Variants in SCLT1 observed in about 807,000 individuals in gnomAD.
SCLT1 encodes sodium channel-associated protein 1.
A neutral mutation model predicts 112.8 loss-of-function variants in SCLT1; 78 were observed. That is an observed-to-expected ratio of 0.69 (90% CI 0.58 to 0.83). The LOEUF is 0.83. SCLT1 is among the 40% of genes least tolerant of loss of function. SCLT1 has a pLI of 0.00. For synonymous variants in SCLT1, 257 were observed against 254.7 expected (o/e 1.01, Z -0.09); for missense variants, 747 against 770.4 (o/e 0.97, Z 0.36).
chr4:128,930,938 T>C (rs967031294), intron 18 of SCLT1, among the ~76,000 whole-genome samples: 4 of 152,208 alleles, frequency 2.6e-5, no homozygotes, highest in Admixed American at 2.6e-4. Flanking sequence ...GAAGGGCTTG[T>C]TTCTTTGAAG....
chr4:128,936,922 C>CA (rs1350414900), intron 17 of SCLT1, 71 bp from the exon 18 acceptor site: 1 of 595,570 alleles, frequency 1.7e-6, no homozygotes, highest in African/African-American at 2.0e-5. Context: ...ATGATATATA[C>CA]AAAAGGAATC....
intron 1 of SCLT1, among the ~76,000 whole-genome samples, chr4:129,087,961 C>T (rs1752540249): frequency 6.6e-6 from 1 of 151,636 alleles, no homozygotes; most frequent in Non-Finnish European, 1.5e-5. Context: ...GTGGCATGTG[C>T]CTGTAGTCCC....
At chr4:129,003,697 T>C (rs3099900) in intron 6 of SCLT1, 44 bp downstream of exon 6, 148,043 of 1,403,100 alleles carry the variant, frequency 0.11, 9,229 homozygotes, top group Non-Finnish European at 0.12. Context: ...TTTAAAAAGG[T>C]ATGTTAATTC....
intron 17 of SCLT1, among the ~76,000 whole-genome samples, chr4:128,941,904 T>C (rs947097974): frequency 6.6e-6 from 1 of 152,094 alleles, no homozygotes; most frequent in Admixed American, 6.6e-5. Context: ...TGAAGCCAGT[T>C]TTCCCCCCAC....
rs553637344 is a variant in SCLT1 at position 128,957,262 on chromosome 4, G to A, written c.1048-138C>T. On this transcript the variant is annotated intron_variant, in intron 12 of 20. Coordinates refer to ENST00000281142, the MANE Select transcript of SCLT1 (RefSeq NM_144643.4). ...TACTTGAATATCATGTTGAAATCAC[G>A]AATGATATTTATTTTCCCTAACCTC... 7.7e-5 allele frequency: 40 copies of A among 519,504 alleles called. 1 individual carries two copies. The South Asian group carries it at 9.6e-4, about 12-fold the overall frequency. 32.2% of individuals were successfully genotyped at this position (519,504 alleles called of 1,614,324 possible). A position where few individuals can be genotyped will look rare whatever the true frequency, so the allele number is the denominator to read the frequency against.
chr4:129,056,434 G>A (rs959664538), intron 2 of SCLT1, among the ~76,000 whole-genome samples: 1 of 152,118 alleles, frequency 6.6e-6, no homozygotes, highest in African/African-American at 2.4e-5. Flanking sequence ...TTGAAGTCAG[G>A]TGGAGTGATG....
chr4:128,965,632 G>C (rs1740114319), intron 10 of SCLT1, among the ~76,000 whole-genome samples: 1 of 152,108 alleles, frequency 6.6e-6, no homozygotes, highest in Non-Finnish European at 1.5e-5. Context: ...CAGATAATGT[G>C]CCTTTAGAAT....
chr4:128,942,780 A>AT (rs1185000690), intron 17 of SCLT1, among the ~76,000 whole-genome samples: 7 of 152,034 alleles, frequency 4.6e-5, no homozygotes, highest in Non-Finnish European at 7.4e-5. Flanking sequence ...TTGGAAAAGA[A>AT]TTTTTTTGTG....
At chr4:128,900,119 C>G (rs1048209503) in intron 18 of SCLT1, among the ~76,000 whole-genome samples, 1 of 152,132 alleles carries the variant, frequency 6.6e-6, no homozygotes, top group Non-Finnish European at 1.5e-5. Flanking sequence ...TTTATAGATT[C>G]AATGCCATCC....
chr4:128,884,835 C>G (rs1384298526), intron 20 of SCLT1, among the ~76,000 whole-genome samples: 1 of 152,060 alleles, frequency 6.6e-6, no homozygotes, highest in Non-Finnish European at 1.5e-5. Context: ...TTTTCAGAGA[C>G]AGGGTCTCAC....
rs532422733 is a variant in SCLT1, at chr4:129,010,765, T to C, written c.291-6889A>G. Among the ~76,000 whole-genome samples, 4 of 152,278 alleles carry C rather than the reference T, an allele frequency of 2.6e-5. 1 individual carries two copies. In the South Asian group the frequency reaches 6.2e-4, roughly 24 times the overall value. ...CAGGAGTGCTAGTAATTTTTACACA[T>C]TGATTTTGTATCCTGAGAATTTGCT... On this transcript the variant is annotated intron_variant, in intron 5 of 20. Coordinates refer to ENST00000281142, the MANE Select transcript of SCLT1 (RefSeq NM_144643.4).
At chr4:128,968,171 C>T (rs1342582398) in intron 10 of SCLT1, among the ~76,000 whole-genome samples, 2 of 152,038 alleles carry the variant, frequency 1.3e-5, no homozygotes, top group East Asian at 1.9e-4. Flanking sequence ...TTTTCTGCTC[C>T]CATCCCCCTC....
Position 129,045,510 on chromosome 4 carries a change from TG to T in SCLT1, c.103-1460del, listed in dbSNP as rs553390283. Among the ~76,000 whole-genome samples, 116 of 152,228 alleles carry T rather than the reference TG, an allele frequency of 7.6e-4. 1 individual carries two copies. The South Asian group carries it at 0.023, about 31-fold the overall frequency. On this transcript the variant is annotated intron_variant, in intron 2 of 20. Transcript: ENST00000281142. ...TTACTATAAAACATAGCTAACAAAA[TG>T]TCTTTTAACAGAATAAATAAAAAAT...
At chr4:129,088,043 T>C (rs1374694622) in intron 1 of SCLT1, among the ~76,000 whole-genome samples, 1 of 151,330 alleles carries the variant, frequency 6.6e-6, no homozygotes, top group East Asian at 2.0e-4. Context: ...GCCGTGATTG[T>C]GCCACTGCAC....
chr4:129,000,312 A>G (rs1743365275), intron 6 of SCLT1, among the ~76,000 whole-genome samples: 1 of 152,016 alleles, frequency 6.6e-6, no homozygotes, highest in African/African-American at 2.4e-5. Context: ...ATTCATGTTT[A>G]TAAATGTGAT....
intron 9 of SCLT1, among the ~76,000 whole-genome samples, chr4:128,987,405 G>A (rs1009400546): frequency 2.0e-5 from 3 of 152,136 alleles, no homozygotes; most frequent in Admixed American, 1.3e-4. Context: ...TTTCACACAA[G>A]GAATTCAAAG....
At chr4:129,069,839 C>G (rs112500755) in intron 2 of SCLT1, among the ~76,000 whole-genome samples, 2,183 of 152,200 alleles carry the variant, frequency 0.014, 47 homozygotes, top group African/African-American at 0.044. Flanking sequence ...TTCCAGTTCT[C>G]AGAGAGAATG....
chr4:129,004,323 C>A (rs1327777167), intron 5 of SCLT1, among the ~76,000 whole-genome samples: 1 of 152,072 alleles, frequency 6.6e-6, no homozygotes, highest in African/African-American at 2.4e-5. Context: ...CACTGGACTT[C>A]TTACTAATTC....
chr4:128,936,570 TA>T, intron 18 of SCLT1, 84 bp downstream of exon 18: 2 of 743,808 alleles, frequency 2.7e-6, no homozygotes, highest in Non-Finnish European at 2.1e-6. Context: ...ATACATTTTT[TA>T]AAAAAGATTA....
Sources: gnomAD v4.1 joint callset for allele counts (sites outside exome capture counted in the v4.1 genomes callset) on GRCh38, gnomAD v4.1.1 for gene constraint, MANE v1.5 for transcripts, NCBI Gene and HGNC (gene_info 2026-07-23, HGNC 2026-07-21) for gene names.